MOCOS: variants seen among roughly 807,000 people sequenced by gnomAD.
The protein encoded by MOCOS is molybdenum cofactor sulfurase, also known as human molybdenum cofactor sulfurase.
In MOCOS, 86 loss-of-function variants were observed where a neutral mutation model predicts 83.6. The observed-to-expected ratio is 1.03, with a 90% CI of 0.86 to 1.23. The LOEUF is 1.23. MOCOS is among the 50% of genes most tolerant of loss of function. The probability of loss-of-function intolerance (pLI) is 0.00; values close to 1 mark genes in which losing one functional copy is unlikely to be tolerated. For missense variants in MOCOS, 1,120 were observed against 1,126.9 expected (o/e 0.99, Z 0.09); for synonymous variants, 445 against 434.7 (o/e 1.02, Z -0.29).
chr18:36,256,980 G>C lies in MOCOS; in HGVS notation c.2177G>C (p.Gly726Ala), dbSNP rs1341317880. Residue 726 changes from glycine (G) to alanine (A), a missense_variant, in exon 12 of 15, where the codon GGT becomes GCT. Coordinates refer to ENST00000261326, the MANE Select transcript of MOCOS (RefSeq NM_017947.4). Reference sequence around the variant, plus strand: ...CCATCATTTTCAGATCAACTTCCTGGTACAATGGCCACCCTTTCTCTGGTG... The same window carrying C: ...CCATCATTTTCAGATCAACTTCCTGCTACAATGGCCACCCTTTCTCTGGTG... ...KKKHGKDQLP[G>A]TMATLSLVNE... 2 of 1,613,846 alleles carry C rather than the reference G, an allele frequency of 1.2e-6. No individual in the cohort carries two copies. Among genetic ancestry groups the C allele is most frequent in the Non-Finnish European group, 1.7e-6 (2 of 1,179,816 alleles).
intron 11 of MOCOS, among the ~76,000 whole-genome samples, chr18:36,255,307 C>T (rs773107302): frequency 2.9e-4 from 44 of 152,118 alleles, no homozygotes; most frequent in Non-Finnish European, 4.9e-4. Flanking sequence ...AGTATGTGAC[C>T]GAAGCACTGG....
intron 1 of MOCOS, among the ~76,000 whole-genome samples, chr18:36,188,207 C>T (rs1183580204): frequency 6.6e-6 from 1 of 152,248 alleles, no homozygotes; most frequent in Non-Finnish European, 1.5e-5. Flanking sequence ...CTGGGATAGC[C>T]TGTATTCAGC....
intron 1 of MOCOS, among the ~76,000 whole-genome samples, chr18:36,194,480 A>G (rs943908196): frequency 3.3e-5 from 5 of 152,192 alleles, no homozygotes; most frequent in Admixed American, 6.5e-5. Flanking sequence ...ATCTTTTGCT[A>G]TTGCAGGCAA....
intron 9 of MOCOS, among the ~76,000 whole-genome samples, chr18:36,240,491 T>A (rs2091577330): frequency 6.7e-6 from 1 of 150,364 alleles, no homozygotes; most frequent in Non-Finnish European, 1.5e-5. Context: ...AGTCTGCCCG[T>A]TCTCAGATCT....
rs571732574 is a variant in MOCOS, at chr18:36,187,834, C to A, written c.142+153C>A. On this transcript the variant is annotated intron_variant, in intron 1 of 14. Coordinates refer to ENST00000261326, the MANE Select transcript of MOCOS (RefSeq NM_017947.4). Reference sequence around the variant, plus strand: ...TGTCCACGCGTCCTCCTAGTAGACACGGCTCCCTGAGGTCCCACCTGCAGC... The same window carrying A: ...TGTCCACGCGTCCTCCTAGTAGACAAGGCTCCCTGAGGTCCCACCTGCAGC... 5.5e-4 allele frequency among the ~76,000 whole-genome samples: 84 copies of A among 152,342 alleles called. 3 individuals are homozygous for A. The South Asian group carries it at 0.017, about 31-fold the overall frequency.
At chr18:36,251,014 T>G in intron 10 of MOCOS, 145 bp from the exon 11 acceptor site, 1 of 1,000,338 alleles carries the variant, frequency 1.0e-6, no homozygotes, top group Non-Finnish European at 1.5e-6. Flanking sequence ...GAAATCTCCT[T>G]GCAGCATCTG....
At chr18:36,241,651 T>A (rs1160962628) in intron 9 of MOCOS, among the ~76,000 whole-genome samples, 1 of 152,200 alleles carries the variant, frequency 6.6e-6, no homozygotes, top group Non-Finnish European at 1.5e-5. Context: ...GAATCTCCAA[T>A]TTCACATTAC....
In MOCOS at chr18:36,270,983, T is replaced by TTTTTTTTC. The variant is rs2091697480; in HGVS notation, c.*2305_*2306insCTTTTTTT. 1 of 8,394 alleles carries TTTTTTTTC rather than the reference T, an allele frequency of 1.2e-4. No homozygotes were observed. 0.5% of individuals were successfully genotyped at this position (8,394 alleles called of 1,614,324 possible). The stretch of plus-strand genomic sequence containing the variant: ...GCACACATCACCACATCCAGCTAAT[T>TTTTTTTTC]TTTTTTTTCTTTTTTTTCTTTTTGG... On this transcript the variant is annotated 3_prime_UTR_variant, in exon 15 of 15. Transcript: ENST00000261326.
chr18:36,244,513 A>G (rs181311110), intron 9 of MOCOS, among the ~76,000 whole-genome samples: 1 of 152,200 alleles, frequency 6.6e-6, no homozygotes, highest in East Asian at 1.9e-4. Flanking sequence ...AATTTTCTTA[A>G]ATGTATTGAG....
At chr18:36,231,889 C>T (rs2091539050) in intron 9 of MOCOS, among the ~76,000 whole-genome samples, 1 of 152,178 alleles carries the variant, frequency 6.6e-6, no homozygotes, top group East Asian at 1.9e-4. Flanking sequence ...AGAAAGTCTT[C>T]ATGTTATAAA....
chr18:36,199,263 AT>A (rs1377069813), intron 3 of MOCOS, among the ~76,000 whole-genome samples: 1 of 152,196 alleles, frequency 6.6e-6, no homozygotes, highest in Non-Finnish European at 1.5e-5. Context: ...TATTAACACA[AT>A]TTCCAATCAC....
intron 1 of MOCOS, among the ~76,000 whole-genome samples, chr18:36,193,252 A>G (rs913679401): frequency 1.5e-5 from 2 of 135,626 alleles, no homozygotes; most frequent in Non-Finnish European, 3.1e-5. Context: ...CGGAGCTTGC[A>G]GTGAGCCGAG....
intron 12 of MOCOS, among the ~76,000 whole-genome samples, chr18:36,259,175 G>A (rs2091653187): frequency 6.6e-6 from 1 of 152,094 alleles, no homozygotes; most frequent in African/African-American, 2.4e-5. Flanking sequence ...AGGCATGGTG[G>A]CTCACACCTG....
chr18:36,228,493 T>C (rs891668449), intron 9 of MOCOS, among the ~76,000 whole-genome samples: 8 of 152,162 alleles, frequency 5.3e-5, no homozygotes, highest in African/African-American at 1.9e-4. Flanking sequence ...TGGAATACTA[T>C]GCAGTCATAA....
Position 36,269,690 on chromosome 18 carries a change from T to C in MOCOS, c.*1005T>C, listed in dbSNP as rs944552370. 5.9e-5 allele frequency: 9 copies of C among 152,322 alleles called. No homozygotes were observed. The highest frequency in any genetic ancestry group is 8.8e-5 in the Non-Finnish European group (6 of 68,116). The allele number at this position is 152,322 out of a possible 1,614,324, so 9.4% of individuals were successfully genotyped here. ...AGCAATGCAGAGTGAGTACATCCAC[T>C]CCACATTCATTCTGCTGGCGTCCTT... On this transcript the variant is annotated 3_prime_UTR_variant, in exon 15 of 15. Coordinates refer to ENST00000261326, the MANE Select transcript of MOCOS (RefSeq NM_017947.4).
At chr18:36,233,512 CTT>C (rs1375400316) in intron 9 of MOCOS, among the ~76,000 whole-genome samples, 1 of 152,134 alleles carries the variant, frequency 6.6e-6, no homozygotes, top group Non-Finnish European at 1.5e-5. Context: ...GCACAAGTGT[CTT>C]TTTTATATAA....
intron 11 of MOCOS, among the ~76,000 whole-genome samples, chr18:36,254,666 C>T (rs945746054): frequency 4.0e-5 from 6 of 151,172 alleles, no homozygotes; most frequent in African/African-American, 1.2e-4. Flanking sequence ...TTATTTCTTT[C>T]CTTTTCCTTC....
Position 36,257,604 on chromosome 18 carries a change from T to C in MOCOS, c.2270+531T>C, listed in dbSNP as rs547935829. ...TGCTCTCCCAAGGACCCTAACAGCA[T>C]TGGGAGGTCAGCTCCAGAAAGGGTC... On this transcript the variant is annotated intron_variant, in intron 12 of 14. Coordinates refer to ENST00000261326, the MANE Select transcript of MOCOS (RefSeq NM_017947.4). 5.3e-5 allele frequency among the ~76,000 whole-genome samples: 8 copies of C among 152,254 alleles called. No individual in the cohort carries two copies. In the East Asian group the frequency reaches 1.2e-3, roughly 22 times the overall value.
chr18:36,192,272 CA>C (rs1332446201), intron 1 of MOCOS, among the ~76,000 whole-genome samples: 4 of 152,252 alleles, frequency 2.6e-5, no homozygotes, highest in East Asian at 1.9e-4. Context: ...TGGTAGGATA[CA>C]AGATCAATAT....
Sources: allele counts gnomAD v4.1 joint callset (sites outside exome capture counted in the v4.1 genomes callset), GRCh38; gene constraint gnomAD v4.1.1; transcripts MANE v1.5; gene names NCBI Gene and HGNC (gene_info 2026-07-23, HGNC 2026-07-21).